Variants in DTNA observed in about 807,000 individuals in gnomAD.
DTNA encodes the protein dystrobrevin alpha, also known as dystrophin-related protein 3.
Under a neutral mutation model 100.7 loss-of-function variants are expected in DTNA, and 43 were observed. That is an observed-to-expected ratio of 0.43 (90% CI 0.33 to 0.55). The LOEUF (loss-of-function observed/expected upper bound fraction) is 0.55. Among genes scored for constraint, DTNA ranks in the 20% least tolerant of loss-of-function variants. The pLI, the probability that DTNA is intolerant of heterozygous loss-of-function variation, is 0.04. For missense variants in DTNA, 798 were observed against 953.9 expected (o/e 0.84, Z 2.15); for synonymous variants, 349 against 347.9 (o/e 1.00, Z -0.04).
chr18:34,608,596 G>A (rs1181379647), intron 1 of DTNA, among the ~76,000 whole-genome samples: 1 of 150,998 alleles, frequency 6.6e-6, no homozygotes, highest in Admixed American at 6.6e-5. Flanking sequence ...CTTCAATCAT[G>A]CCTCATGGGA....
Position 34,845,514 on chromosome 18 carries a change from T to G in DTNA, c.1347-2782T>G, listed in dbSNP as rs577084648. ...ACAAATGTTTCTGACAAAGTCACTT[T>G]CAAGGTGTCAAAGATATCATGTTCC... On this transcript the variant is annotated intron_variant, in intron 13 of 22. Transcript: ENST00000444659. Among the ~76,000 whole-genome samples the G allele has an allele frequency of 1.3e-3, 197 of 152,286 alleles. 2 individuals are homozygous for G. Among genetic ancestry groups the G allele is most frequent in the South Asian group, 7.5e-3 (36 of 4,824 alleles).
At chr18:34,532,517 G>A (rs1409886722) in intron 1 of DTNA, among the ~76,000 whole-genome samples, 4 of 152,048 alleles carry the variant, frequency 2.6e-5, no homozygotes, top group African/African-American at 9.7e-5. Flanking sequence ...GCTGTAAGAA[G>A]CAATTGAAGT....
intron 1 of DTNA, among the ~76,000 whole-genome samples, chr18:34,565,713 C>A (rs917756749): frequency 1.3e-5 from 2 of 152,268 alleles, no homozygotes; most frequent in Middle Eastern, 3.4e-3. Context: ...AACCTGTATC[C>A]TTGGATTTAG....
Position 34,889,860 on chromosome 18 carries a change from G to T in DTNA, c.*2126G>T. On this transcript the variant is annotated 3_prime_UTR_variant, in exon 23 of 23. Coordinates refer to ENST00000444659, the MANE Select transcript of DTNA (RefSeq NM_001386795.1). ...TTGCACAGATTGATTTTTATTGCGG[G>T]TTTTGTTGGGGTGTCTTAATGTTCA... The T allele has an allele frequency of 1.0e-6, 1 of 995,248 alleles. No individual in the cohort carries two copies. The highest frequency in any genetic ancestry group is 1.2e-6 in the Non-Finnish European group (1 of 835,812). The allele number at this position is 995,248 out of a possible 1,614,324, so 61.7% of individuals were successfully genotyped here.
At chr18:34,880,130 G>T (rs964907545) in intron 20 of DTNA, among the ~76,000 whole-genome samples, 2 of 152,284 alleles carry the variant, frequency 1.3e-5, no homozygotes, top group Non-Finnish European at 2.9e-5. Context: ...TCCAGAATTG[G>T]TGTAAACAAC....
At chr18:34,660,854 C>G (rs929948581) in intron 1 of DTNA, among the ~76,000 whole-genome samples, 1 of 152,108 alleles carries the variant, frequency 6.6e-6, no homozygotes, top group African/African-American at 2.4e-5. Context: ...TTTCCTGACC[C>G]AACCAGTGTA....
intron 1 of DTNA, among the ~76,000 whole-genome samples, chr18:34,624,964 G>A (rs1297239227): frequency 6.6e-6 from 1 of 152,038 alleles, no homozygotes; most frequent in Non-Finnish European, 1.5e-5. Context: ...TGCCTCCTGG[G>A]TTCAAGCGAT....
intron 1 of DTNA, among the ~76,000 whole-genome samples, chr18:34,543,858 A>G (rs2044495465): frequency 6.6e-6 from 1 of 152,122 alleles, no homozygotes; most frequent in Non-Finnish European, 1.5e-5. Context: ...GGGCCAGTAG[A>G]CATCTGGGAA....
intron 3 of DTNA, among the ~76,000 whole-genome samples, chr18:34,783,112 G>T (rs539309948): frequency 6.6e-6 from 1 of 152,282 alleles, no homozygotes; most frequent in African/African-American, 2.4e-5. Flanking sequence ...TTATCATTCA[G>T]ATCTGTCTTT....
chr18:34,881,493 G>T (rs2096873215), intron 20 of DTNA, among the ~76,000 whole-genome samples: 1 of 139,414 alleles, frequency 7.2e-6, no homozygotes, highest in Non-Finnish European at 1.5e-5. Flanking sequence ...AGAGTTATGG[G>T]TTAGTAGCCC....
intron 1 of DTNA, among the ~76,000 whole-genome samples, chr18:34,688,606 G>A (rs1273570157): frequency 2.0e-5 from 3 of 152,110 alleles, no homozygotes; most frequent in African/African-American, 7.2e-5. Flanking sequence ...TGGTGGATCT[G>A]ACAATTATGT....
intron 1 of DTNA, among the ~76,000 whole-genome samples, chr18:34,594,535 T>G (rs1206521041): frequency 6.6e-6 from 1 of 152,226 alleles, no homozygotes; most frequent in African/African-American, 2.4e-5. Flanking sequence ...TAAATGTAAC[T>G]GGCCAGTTTT....
intron 6 of DTNA, among the ~76,000 whole-genome samples, chr18:34,812,686 A>G (rs1206635874): frequency 6.6e-6 from 1 of 152,084 alleles, no homozygotes; most frequent in Non-Finnish European, 1.5e-5. Flanking sequence ...CTCTCCCTCA[A>G]CACCTGGGAA....
At chr18:34,736,266 T>C (rs1276666784) in intron 1 of DTNA, among the ~76,000 whole-genome samples, 3 of 152,214 alleles carry the variant, frequency 2.0e-5, no homozygotes, top group Non-Finnish European at 4.4e-5. Context: ...CACATATGTA[T>C]GCGTGCACTA....
Position 34,572,946 on chromosome 18 carries a change from C to T in DTNA, c.-2+79432C>T, listed in dbSNP as rs552423691. 1.4e-3 allele frequency among the ~76,000 whole-genome samples: 213 copies of T among 152,264 alleles called. 1 individual carries two copies. The highest frequency in any genetic ancestry group is 2.2e-3 in the Non-Finnish European group (147 of 68,006). On this transcript the variant is annotated intron_variant, in intron 1 of 19. Coordinates refer to the DTNA transcript ENST00000283365. Reference sequence around the variant, plus strand: ...TCACTTATTAATCCTGAGCCCAGGGCAAGTCACTTAATCTCTCTGACATCC... The same window carrying T: ...TCACTTATTAATCCTGAGCCCAGGGTAAGTCACTTAATCTCTCTGACATCC...
At chr18:34,583,364 G>A (rs969321583) in intron 1 of DTNA, among the ~76,000 whole-genome samples, 38 of 152,248 alleles carry the variant, frequency 2.5e-4, no homozygotes, top group Non-Finnish European at 2.4e-4. Flanking sequence ...GCTGAATTTG[G>A]TGGGATCATT....
At chr18:34,635,609 A>G (rs1039791467) in intron 1 of DTNA, among the ~76,000 whole-genome samples, 5 of 152,194 alleles carry the variant, frequency 3.3e-5, no homozygotes, top group Non-Finnish European at 7.4e-5. Flanking sequence ...ATGATTTTAT[A>G]ACATCATGCA....
At chr18:34,800,324 C>T (rs887028040) in intron 4 of DTNA, among the ~76,000 whole-genome samples, 1 of 152,160 alleles carries the variant, frequency 6.6e-6, no homozygotes, top group Non-Finnish European at 1.5e-5. Flanking sequence ...TTAAAATTAA[C>T]TGTTTCTGAC....
At position 34,626,449 on chromosome 18, in the gene DTNA, T is replaced by TA. The variant is rs200011734; in HGVS notation, c.-1-129515dup. Among the ~76,000 whole-genome samples, 196 of 147,488 alleles carry TA rather than the reference T, an allele frequency of 1.3e-3. 1 individual carries two copies. The highest frequency in any genetic ancestry group is 3.6e-3 in the East Asian group (18 of 5,060). On this transcript the variant is annotated intron_variant, in intron 1 of 19. Coordinates refer to the DTNA transcript ENST00000283365. ...GAACCTTCAGAAAGTGTCCTGAAGT[T>TA]AAAAAAAAAAAATGAAATTTCCTTC...
Sources: allele counts gnomAD v4.1 joint callset (sites outside exome capture counted in the v4.1 genomes callset), GRCh38; gene constraint gnomAD v4.1.1; transcripts MANE v1.5; gene names NCBI Gene and HGNC (gene_info 2026-07-23, HGNC 2026-07-21).